Variants in CENPE observed in about 807,000 individuals in gnomAD.
CENPE encodes centromere-associated protein E.
In CENPE, 145 loss-of-function variants were observed where a neutral mutation model predicts 336.1. The ratio of observed to expected loss-of-function variants is 0.43; its 90% CI spans 0.38 to 0.50. CENPE has a LOEUF of 0.50. Ranked by LOEUF, CENPE falls within the 20% of genes least tolerant of loss-of-function variation. CENPE has a pLI of 0.00. For synonymous variants in CENPE, 1,013 were observed against 984.8 expected (o/e 1.03, Z -0.54); for missense variants, 2,719 against 3,023.3 (o/e 0.90, Z 2.36).
At chr4:103,154,297 G>GT (rs886711569) in intron 24 of CENPE, among the ~76,000 whole-genome samples, 24 of 148,734 alleles carry the variant, frequency 1.6e-4, no homozygotes, top group Non-Finnish European at 2.5e-4. Context: ...TTTTTTTTTT[G>GT]TTTTTTTGTT....
At chr4:103,174,681 A>C in intron 16 of CENPE, 55 bp downstream of exon 16, 1 of 1,234,672 alleles carries the variant, frequency 8.1e-7, no homozygotes, top group Non-Finnish European at 1.1e-6. Flanking sequence ...AAAAAAGAGA[A>C]TACTTCTTTT....
At chr4:103,172,765 A>AT (rs1244344585) in intron 16 of CENPE, among the ~76,000 whole-genome samples, 13 of 151,964 alleles carry the variant, frequency 8.6e-5, no homozygotes, top group African/African-American at 2.9e-4. Context: ...CAAAATCAAC[A>AT]TAAAAAAAAG....
rs1486378278 is a variant in CENPE, at chr4:103,161,928, AT to A, written c.1843-472del. Among the ~76,000 whole-genome samples, 3 of 152,300 alleles carry A rather than the reference AT, an allele frequency of 2.0e-5. No homozygotes were observed. The East Asian group carries it at 5.8e-4, about 29-fold the overall frequency. On this transcript the variant is annotated intron_variant, in intron 18 of 48. Transcript: ENST00000265148. ...ACAGATGAGAAAATGCAAATGAAAA[AT>A]ACATGAAAAAAATCTACAACCTCAT...
At chr4:103,190,472 C>G (rs1400110430) in intron 8 of CENPE, among the ~76,000 whole-genome samples, 1 of 152,056 alleles carries the variant, frequency 6.6e-6, no homozygotes, top group Non-Finnish European at 1.5e-5. Context: ...GGAACAGAGC[C>G]CTCAGAAATA....
In CENPE at chr4:103,182,932, C is replaced by T. The variant is rs190106410; in HGVS notation, c.834-41G>A. On this transcript the variant is annotated intron_variant, in intron 10 of 48. Transcript: ENST00000265148. ...GTTTACAGGAGAAAAAGATTGAGAACGTTTATATAATAAAGTAGTTGGTTT... is the reference window on the plus strand; with the variant it reads ...GTTTACAGGAGAAAAAGATTGAGAATGTTTATATAATAAAGTAGTTGGTTT... The T allele has an allele frequency of 2.2e-3, 3,466 of 1,581,436 alleles. 8 individuals are homozygous for T. The highest frequency in any genetic ancestry group is 2.6e-3 in the Non-Finnish European group (2,982 of 1,161,880).
chr4:103,136,375 A>T lies in CENPE; in HGVS notation c.6304-16T>A. The T allele has an allele frequency of 6.5e-7, 1 of 1,534,794 alleles. No homozygotes were observed. The highest frequency in any genetic ancestry group is 1.1e-5 in the South Asian group (1 of 87,090). On this transcript the variant is annotated splice_polypyrimidine_tract_variant and intron_variant, in intron 39 of 48. Transcript: ENST00000265148. ...TCAAAAGCTCCTAAAGGAAATGAGA[A>T]TTCACTCAATTTATAACAATTCATT...
At chr4:103,132,061 T>C (rs1375221533) in intron 42 of CENPE, among the ~76,000 whole-genome samples, 1 of 152,172 alleles carries the variant, frequency 6.6e-6, no homozygotes, top group Non-Finnish European at 1.5e-5. Context: ...ACTCATAGAA[T>C]GTACTATGCC....
intron 13 of CENPE, among the ~76,000 whole-genome samples, chr4:103,179,551 T>C (rs994774606): frequency 6.6e-6 from 1 of 152,250 alleles, no homozygotes; most frequent in African/African-American, 2.4e-5. Context: ...CTGTACATAA[T>C]GCTTATTCAC....
Position 103,151,312 on chromosome 4 carries a change from A to G in CENPE, c.3303T>C (p.Val1101=). Residue 1101 remains valine, a synonymous_variant, in exon 26 of 49, where the codon GTT becomes GTC. Coordinates refer to ENST00000265148, the MANE Select transcript of CENPE (RefSeq NM_001813.3). ...TTATGGCATGGTTCTTTTCTTGTGC[A>G]ACTATCTCTTGTTGCTTTTTAAGTT... The part of the protein sequence containing the change: ...GDELKKQQEI[V]AQEKNHAIKK... 3 of 1,607,490 alleles carry G rather than the reference A, an allele frequency of 1.9e-6. No individual in the cohort carries two copies. Among genetic ancestry groups the G allele is most frequent in the Non-Finnish European group, 2.5e-6 (3 of 1,178,644 alleles).
At chr4:103,113,182 A>G (rs1252663609) in intron 46 of CENPE, among the ~76,000 whole-genome samples, 1 of 135,418 alleles carries the variant, frequency 7.4e-6, no homozygotes, top group African/African-American at 2.7e-5. Flanking sequence ...ATATAAGTGT[A>G]TATATACTTA....
intron 8 of CENPE, among the ~76,000 whole-genome samples, chr4:103,192,290 A>G (rs1757422945): frequency 6.6e-6 from 1 of 152,216 alleles, no homozygotes; most frequent in Admixed American, 6.5e-5. Context: ...AGGCAGCATG[A>G]GTGAAGGTTA....
intron 48 of CENPE, among the ~76,000 whole-genome samples, chr4:103,108,575 C>CT (rs976671480): frequency 6.8e-6 from 1 of 147,740 alleles, no homozygotes; most frequent in Non-Finnish European, 1.5e-5. Flanking sequence ...AAACTAAAGG[C>CT]TTAAAGGGTA....
chr4:103,155,248 T>A (rs186109935), intron 24 of CENPE, among the ~76,000 whole-genome samples: 1 of 152,350 alleles, frequency 6.6e-6, no homozygotes, highest in East Asian at 1.9e-4. Context: ...AGTTATTGAT[T>A]GCCATATATT....
At chr4:103,137,003 C>G (rs191246764) in intron 39 of CENPE, among the ~76,000 whole-genome samples, 1 of 152,054 alleles carries the variant, frequency 6.6e-6, no homozygotes, top group East Asian at 1.9e-4. Context: ...ATGATCTATA[C>G]CTATATACCT....
At chr4:103,126,955 T>C (rs916249612) in intron 42 of CENPE, among the ~76,000 whole-genome samples, 3 of 151,726 alleles carry the variant, frequency 2.0e-5, no homozygotes, top group African/African-American at 7.3e-5. Context: ...GTGTAATGTA[T>C]ACATAATGGG....
rs905449109 is a variant in CENPE, at chr4:103,190,933, C to G, written c.693+3296G>C. ...TAATATCCAGAATATATAAAGAACT[C>G]AAACAAATTTAGAAAAAAAAAAAAC... On this transcript the variant is annotated intron_variant, in intron 8 of 48. Transcript: ENST00000265148. Among the ~76,000 whole-genome samples, 39 of 146,842 alleles carry G rather than the reference C, an allele frequency of 2.7e-4. 1 individual carries two copies. Among genetic ancestry groups the G allele is most frequent in the Admixed American group, 2.4e-3 (36 of 14,700 alleles).
At chr4:103,150,026 TA>T (rs1214728057) in intron 26 of CENPE, among the ~76,000 whole-genome samples, 10 of 152,028 alleles carry the variant, frequency 6.6e-5, no homozygotes, top group Admixed American at 2.0e-4. Context: ...TGAGATAAAG[TA>T]AAAAAGCAAA....
rs187795630 is a variant in CENPE, at chr4:103,181,568, A to T, written c.964-112T>A. The stretch of plus-strand genomic sequence containing the variant: ...GATTAAAAAAATCAATACTCTTTCT[A>T]GTTGGCTTAATACTTTTGAACAAAG... On this transcript the variant is annotated intron_variant, in intron 11 of 48. Coordinates refer to ENST00000265148, the MANE Select transcript of CENPE (RefSeq NM_001813.3). 20 of 860,642 alleles carry T rather than the reference A, an allele frequency of 2.3e-5. No individual in the cohort carries two copies. The East Asian group carries it at 6.8e-4, about 29-fold the overall frequency. 53.3% of individuals were successfully genotyped at this position (860,642 alleles called of 1,614,324 possible).
At position 103,140,067 on chromosome 4, in the gene CENPE, G is replaced by A. The variant is rs1258807230; in HGVS notation, c.5926C>T (p.Gln1976Ter). 1.3e-6 allele frequency: 2 copies of A among 1,599,324 alleles called. No individual in the cohort carries two copies. Among genetic ancestry groups the A allele is most frequent in the Non-Finnish European group, 1.7e-6 (2 of 1,174,770 alleles). ...CTAAGCAGTTGAAGTTCTTTTTTCT[G>A]AAGTTCTTGGATCTTGAGATAATTG... The part of the protein sequence containing the change: ...DELQKKIQEL[Q>*]KKELQLLRVK... The change falls in exon 38 of 49, where the codon CAG becomes TAG. Residue 1976 changes from glutamine (Q) to a stop codon, truncating the protein, a stop_gained. Transcript: ENST00000265148. LOFTEE classifies it high-confidence loss of function.
Sources: allele counts gnomAD v4.1 joint callset (sites outside exome capture counted in the v4.1 genomes callset), GRCh38; gene constraint gnomAD v4.1.1; transcripts MANE v1.5; gene names NCBI Gene and HGNC (gene_info 2026-07-23, HGNC 2026-07-21).